TJP2: variants seen among roughly 807,000 people sequenced by gnomAD.
TJP2 encodes Friedreich ataxia region gene X104 (tight junction protein ZO-2).
Under a neutral mutation model 133.1 loss-of-function variants are expected in TJP2, and 91 were observed. That is an observed-to-expected ratio of 0.68 (90% CI 0.58 to 0.81). The LOEUF is 0.81. TJP2 is among the 40% of genes least tolerant of loss of function. The probability of loss-of-function intolerance (pLI) is 0.00; values close to 1 mark genes in which losing one functional copy is unlikely to be tolerated. For synonymous variants in TJP2, 592 were observed against 583.4 expected, an observed-to-expected ratio of 1.01 and a Z score of -0.21; for missense variants, 1,541 against 1,565.6, an observed-to-expected ratio of 0.98 and a Z score of 0.26.
intron 2 of TJP2, among the ~76,000 whole-genome samples, chr9:69,169,023 C>T (rs2132897474): frequency 6.6e-6 from 1 of 151,684 alleles, no homozygotes; most frequent in South Asian, 2.1e-4. Flanking sequence ...GATGAGGCTA[C>T]CTGGAAGTGG....
At chr9:69,153,152 G>A (rs1029908266) in intron 2 of TJP2, among the ~76,000 whole-genome samples, 6 of 151,996 alleles carry the variant, frequency 3.9e-5, no homozygotes, top group Non-Finnish European at 5.9e-5. Context: ...AGGATCGCTT[G>A]AGCCCAGGAA....
chr9:69,166,135 C>T (rs763719853), intron 2 of TJP2, among the ~76,000 whole-genome samples: 17 of 151,844 alleles, frequency 1.1e-4, no homozygotes, highest in Non-Finnish European at 1.9e-4. Context: ...TTTTTTGAGG[C>T]AGGGTCTTGC....
At chr9:69,224,801 T>C (rs1242275183) in intron 5 of TJP2, among the ~76,000 whole-genome samples, 1 of 152,184 alleles carries the variant, frequency 6.6e-6, no homozygotes, top group Admixed American at 6.5e-5. Context: ...TTTCTTTCCT[T>C]CTACTCCATC....
intron 20 of TJP2, 109 bp from the exon 21 acceptor site, chr9:69,250,926 T>G: frequency 8.6e-7 from 1 of 1,159,302 alleles, no homozygotes; most frequent in Non-Finnish European, 1.3e-6. Context: ...ATGGTATTTG[T>G]GGACCACCTT....
At chr9:69,233,659 G>A (rs777942318) in intron 11 of TJP2, among the ~76,000 whole-genome samples, 6 of 151,960 alleles carry the variant, frequency 3.9e-5, no homozygotes, top group Non-Finnish European at 8.8e-5. Flanking sequence ...GCCTGTAGTC[G>A]CAGCTACTCA....
intron 2 of TJP2, among the ~76,000 whole-genome samples, chr9:69,154,035 C>G (rs947045228): frequency 3.3e-5 from 5 of 152,184 alleles, no homozygotes; most frequent in Non-Finnish European, 7.3e-5. Context: ...CTCCTCACAA[C>G]AACCCTAAGA....
At chr9:69,186,440 A>G (rs1825866877) in intron 1 of TJP2, among the ~76,000 whole-genome samples, 1 of 152,238 alleles carries the variant, frequency 6.6e-6, no homozygotes. Context: ...AGTTCAAGTG[A>G]GCTGGCTGTT....
Position 69,176,999 on chromosome 9 carries a change from C to G in TJP2, c.60+2567C>G, listed in dbSNP as rs545750466. On this transcript the variant is annotated intron_variant, in intron 1 of 22. Coordinates refer to ENST00000377245, the MANE Select transcript of TJP2 (RefSeq NM_004817.4). ...GGCGGGGTGAAGCGGTAGAAGGGTT[C>G]GCAATCACTGCTGAAACTTTCAACA... 2.6e-5 allele frequency among the ~76,000 whole-genome samples: 4 copies of G among 152,258 alleles called. No individual in the cohort carries two copies. The East Asian group carries it at 7.7e-4, about 29-fold the overall frequency.
At position 69,215,483 on chromosome 9, in the gene TJP2, C is replaced by T. The variant is rs180812764; in HGVS notation, c.115-856C>T. ...TGTTGAAGCCTTGACCTCACAGGCT[C>T]AGGTGATTCTCCCACCTCAGCCTCC... is the stretch of plus-strand genomic sequence containing the variant. On this transcript the variant is annotated intron_variant, in intron 2 of 22. Transcript: ENST00000377245. Among the ~76,000 whole-genome samples the T allele has an allele frequency of 6.4e-3, 978 of 151,820 alleles. 10 individuals carry two copies. Among genetic ancestry groups the T allele is most frequent in the Non-Finnish European group, 7.9e-3 (540 of 67,968 alleles).
At chr9:69,229,086 C>T (rs981511355) in intron 9 of TJP2, 98 bp from the exon 10 acceptor site, 1 of 1,110,702 alleles carries the variant, frequency 9.0e-7, no homozygotes, top group African/African-American at 1.5e-5. Context: ...ACATATGTGG[C>T]ATAGACTTAC....
At chr9:69,205,344 G>C in intron 1 of TJP2, 3 of 1,505,602 alleles carry the variant, frequency 2.0e-6, no homozygotes, top group Non-Finnish European at 2.7e-6. Context: ...ATTGATTTGT[G>C]CTTCTGGCAT....
chr9:69,148,232 T>C (rs561148842), intron 1 of TJP2, among the ~76,000 whole-genome samples: 13 of 149,506 alleles, frequency 8.7e-5, no homozygotes, highest in African/African-American at 3.2e-4. Context: ...CCCTTTCTTT[T>C]TTATATTTTT....
At chr9:69,176,312 C>A (rs1300302552) in intron 1 of TJP2, among the ~76,000 whole-genome samples, 1 of 151,736 alleles carries the variant, frequency 6.6e-6, no homozygotes, top group Non-Finnish European at 1.5e-5. Flanking sequence ...GTGGATGCTA[C>A]GTAAATGGTG....
At chr9:69,193,962 G>A (rs1162211692) in intron 1 of TJP2, among the ~76,000 whole-genome samples, 1 of 152,070 alleles carries the variant, frequency 6.6e-6, no homozygotes, top group Admixed American at 6.6e-5. Context: ...CAGTTATTAC[G>A]TTTATGGTAT....
chr9:69,244,380 G>A (rs961726265), intron 17 of TJP2, among the ~76,000 whole-genome samples: 7 of 151,758 alleles, frequency 4.6e-5, no homozygotes, highest in African/African-American at 1.2e-4. Flanking sequence ...TTTTGCTGTC[G>A]CTCTTGGTGC....
chr9:69,174,827 C>G lies in TJP2; in HGVS notation c.60+395C>G, dbSNP rs952257505. Among the ~76,000 whole-genome samples the G allele has an allele frequency of 2.0e-5, 3 of 151,894 alleles. No homozygotes were observed. The East Asian group carries it at 5.8e-4, about 29-fold the overall frequency. On this transcript the variant is annotated intron_variant, in intron 1 of 22. Transcript: ENST00000377245. ...TGATGCAAAGTTACAGGCTTGTGTA[C>G]GTGAGAGAAACTGAAAACTCATCAC...
chr9:69,204,622 T>A (rs1359594015), intron 1 of TJP2, among the ~76,000 whole-genome samples: 1 of 152,244 alleles, frequency 6.6e-6, no homozygotes, highest in East Asian at 1.9e-4. Flanking sequence ...ATGAGTCTTA[T>A]CTTCCCCTTG....
chr9:69,181,312 G>A (rs1178904925), intron 1 of TJP2, among the ~76,000 whole-genome samples: 2 of 127,346 alleles, frequency 1.6e-5, no homozygotes, highest in African/African-American at 3.0e-5. Context: ...GCAATGGCCC[G>A]ATCTCAGCTC....
At chr9:69,241,183 T>C (rs1241790655) in intron 17 of TJP2, among the ~76,000 whole-genome samples, 1 of 152,256 alleles carries the variant, frequency 6.6e-6, no homozygotes, top group Non-Finnish European at 1.5e-5. Flanking sequence ...CCATTGCTAT[T>C]ACTCATGAAA....
Sources: allele counts gnomAD v4.1 joint callset (sites outside exome capture counted in the v4.1 genomes callset), GRCh38; gene constraint gnomAD v4.1.1; transcripts MANE v1.5; gene names NCBI Gene and HGNC (gene_info 2026-07-23, HGNC 2026-07-21).